CNTN5: variants seen among roughly 807,000 people sequenced by gnomAD.
CNTN5 encodes the protein contactin-5.
A neutral mutation model predicts 129.1 loss-of-function variants in CNTN5; 77 were observed. The observed-to-expected ratio is 0.60, with a 90% CI of 0.50 to 0.72. CNTN5 has a LOEUF of 0.72. Ranked by LOEUF, CNTN5 falls within the 30% of genes least tolerant of loss-of-function variation. The probability of loss-of-function intolerance (pLI) is 0.00; values close to 1 mark genes in which losing one functional copy is unlikely to be tolerated. For synonymous variants in CNTN5, 509 were observed against 465.6 expected (o/e 1.09, Z -1.20); for missense variants, 1,478 against 1,328.8 (o/e 1.11, Z -1.75).
chr11:99,525,171 C>T (rs1016281254), intron 2 of CNTN5, among the ~76,000 whole-genome samples: 32 of 151,978 alleles, frequency 2.1e-4, no homozygotes, highest in African/African-American at 6.0e-4. Flanking sequence ...TTAGGAAGAC[C>T]TATCTTCTAG....
intron 2 of CNTN5, among the ~76,000 whole-genome samples, chr11:99,378,895 A>G (rs1940350254): frequency 6.6e-6 from 1 of 152,100 alleles, no homozygotes. Flanking sequence ...GCAATGGGAG[A>G]GTGAATAAAT....
chr11:99,081,615 G>C (rs1865799831), intron 1 of CNTN5, among the ~76,000 whole-genome samples: 1 of 152,086 alleles, frequency 6.6e-6, no homozygotes, highest in Non-Finnish European at 1.5e-5. Context: ...ATAAACCACT[G>C]TAAGGTACAG....
rs186245656 is a variant in CNTN5 at position 99,922,019 on chromosome 11, A to G, written c.673+5870A>G. 2.0e-5 allele frequency among the ~76,000 whole-genome samples: 3 copies of G among 152,320 alleles called. No individual in the cohort carries two copies. In the East Asian group the frequency reaches 5.8e-4, roughly 29 times the overall value. ...AGTCAAAAAAGCTTGCTGAAGAAAC[A>G]GAATATATTAGTCCATTTTCGTATT... is the stretch of plus-strand genomic sequence containing the variant. On this transcript the variant is annotated intron_variant, in intron 7 of 24. Coordinates refer to ENST00000524871, the MANE Select transcript of CNTN5 (RefSeq NM_014361.4).
chr11:99,523,451 C>T (rs1947345199), intron 2 of CNTN5, among the ~76,000 whole-genome samples: 2 of 151,952 alleles, frequency 1.3e-5, no homozygotes, highest in Admixed American at 1.3e-4. Flanking sequence ...AAAAATTAGC[C>T]AGGTGTGATC....
chr11:99,471,772 C>T (rs952424330), intron 2 of CNTN5, among the ~76,000 whole-genome samples: 6 of 151,984 alleles, frequency 3.9e-5, no homozygotes, highest in African/African-American at 1.4e-4. Flanking sequence ...TTTGTACATT[C>T]CCTATCATGA....
chr11:99,863,807 G>A (rs1417109923), intron 6 of CNTN5, among the ~76,000 whole-genome samples: 1 of 152,126 alleles, frequency 6.6e-6, no homozygotes, highest in East Asian at 1.9e-4. Flanking sequence ...TAGAAAGCAA[G>A]CTTTAATTGC....
At chr11:99,345,671 T>G (rs918513879) in intron 2 of CNTN5, among the ~76,000 whole-genome samples, 1 of 152,212 alleles carries the variant, frequency 6.6e-6, no homozygotes, top group Non-Finnish European at 1.5e-5. Flanking sequence ...TCTGAGAAGA[T>G]ATGTTAAGAA....
At chr11:100,189,485 T>C (rs911406051) in intron 13 of CNTN5, among the ~76,000 whole-genome samples, 2 of 152,112 alleles carry the variant, frequency 1.3e-5, no homozygotes, top group Non-Finnish European at 2.9e-5. Context: ...AAGCCAAACT[T>C]CTTACCTGCT....
chr11:99,498,145 C>A (rs1946297255), intron 2 of CNTN5, among the ~76,000 whole-genome samples: 1 of 152,156 alleles, frequency 6.6e-6, no homozygotes. Flanking sequence ...GTTACATTTT[C>A]CATGTCTTTT....
chr11:99,770,778 A>G (rs528701236), intron 3 of CNTN5, among the ~76,000 whole-genome samples: 110 of 152,114 alleles, frequency 7.2e-4, no homozygotes, highest in African/African-American at 2.4e-3. Flanking sequence ...AAAAATTTCA[A>G]TGGATTTTTT....
At chr11:99,767,279 T>A (rs1042998209) in intron 3 of CNTN5, among the ~76,000 whole-genome samples, 1 of 151,938 alleles carries the variant, frequency 6.6e-6, no homozygotes, top group Non-Finnish European at 1.5e-5. Context: ...TAATGCCAAG[T>A]GGTAATTATT....
intron 7 of CNTN5, among the ~76,000 whole-genome samples, chr11:99,941,223 A>G (rs1023223000): frequency 6.6e-6 from 1 of 152,058 alleles, no homozygotes; most frequent in African/African-American, 2.4e-5. Flanking sequence ...TTATCTCAAC[A>G]TATCTACCTA....
chr11:99,819,328 C>CCCTCCCCTCT (rs1946703639), intron 3 of CNTN5, among the ~76,000 whole-genome samples: 2 of 76,712 alleles, frequency 2.6e-5, no homozygotes, highest in African/African-American at 1.1e-4. Context: ...CCCTCCCCTC[C>CCCTCCCCTCT]CCTCCCCTCC....
At chr11:99,192,778 C>T (rs929607571) in intron 1 of CNTN5, among the ~76,000 whole-genome samples, 2 of 151,978 alleles carry the variant, frequency 1.3e-5, no homozygotes, top group African/African-American at 4.8e-5. Flanking sequence ...ACACTGAAAA[C>T]AGAAATGACA....
chr11:100,136,966 TA>T (rs1946546816), intron 13 of CNTN5, among the ~76,000 whole-genome samples: 1 of 151,924 alleles, frequency 6.6e-6, no homozygotes, highest in African/African-American at 2.4e-5. Context: ...CAGATATTTT[TA>T]TCATTAACAG....
chr11:99,181,494 T>TG (rs1858062695), intron 1 of CNTN5, among the ~76,000 whole-genome samples: 1 of 152,162 alleles, frequency 6.6e-6, no homozygotes, highest in Admixed American at 6.5e-5. Context: ...AGCCCATTCC[T>TG]GGGGGCCTCC....
intron 6 of CNTN5, among the ~76,000 whole-genome samples, chr11:99,910,098 G>A (rs922211171): frequency 2.0e-5 from 3 of 151,790 alleles, no homozygotes; most frequent in Non-Finnish European, 2.9e-5. Context: ...TAATTTCAAA[G>A]CTGAATTAGT....
intron 13 of CNTN5, 26 bp from the exon 14 acceptor site, chr11:100,191,100 A>AAC (rs1391668193): frequency 6.4e-7 from 1 of 1,557,244 alleles, no homozygotes; most frequent in Non-Finnish European, 8.7e-7. Flanking sequence ...AAACAGAAAA[A>AAC]AAAACTGTTT....
intron 6 of CNTN5, among the ~76,000 whole-genome samples, chr11:99,881,609 G>A (rs1336595648): frequency 6.6e-6 from 1 of 152,108 alleles, no homozygotes. Flanking sequence ...GAGTCCTCAG[G>A]TAGTATATAG....
Sources: gnomAD v4.1 joint callset for allele counts (sites outside exome capture counted in the v4.1 genomes callset) on GRCh38, gnomAD v4.1.1 for gene constraint, MANE v1.5 for transcripts, NCBI Gene and HGNC (gene_info 2026-07-23, HGNC 2026-07-21) for gene names.